Variants in ANKRD30B observed in about 807,000 individuals in gnomAD.
The protein encoded by ANKRD30B is ankyrin repeat domain-containing protein 30B.
Under a neutral mutation model 202.2 loss-of-function variants are expected in ANKRD30B, and 144 were observed. That is an observed-to-expected ratio of 0.71 (90% CI 0.62 to 0.82). ANKRD30B has a LOEUF of 0.82. ANKRD30B is among the 40% of genes least tolerant of loss of function. The pLI, the probability that ANKRD30B is intolerant of heterozygous loss-of-function variation, is 0.00. For synonymous variants in ANKRD30B, 508 were observed against 561.3 expected (o/e 0.91, Z 1.34); for missense variants, 1,487 against 1,669.1 (o/e 0.89, Z 1.90).
At chr18:14,759,236 G>C (rs1914874088) in intron 5 of ANKRD30B, 1 of 152,188 alleles carries the variant, frequency 6.6e-6, no homozygotes, top group African/African-American at 2.4e-5. Flanking sequence ...ATGTCAAGAA[G>C]GTTAGCAAGG....
At position 14,837,521 on chromosome 18, in the gene ANKRD30B, G is replaced by C. The variant is rs1429902052; in HGVS notation, c.2927-94G>C. 6.6e-6 allele frequency: 7 copies of C among 1,066,760 alleles called. No individual in the cohort carries two copies. In the South Asian group the frequency reaches 1.2e-4, roughly 18 times the overall value. The allele number at this position is 1,066,760 out of a possible 1,614,324, so 66.1% of individuals were successfully genotyped here. A position where few individuals can be genotyped will look rare whatever the true frequency, so the allele number is the denominator to read the frequency against. On this transcript the variant is annotated intron_variant, in intron 35 of 43. Coordinates refer to ENST00000690538, the MANE Select transcript of ANKRD30B (RefSeq NM_001367607.2). Reference sequence around the variant, plus strand: ...TATTTTTGCTATTATTTTTATTTTTGAAATACTCATAAATGGAAATAGATT... The same window carrying C: ...TATTTTTGCTATTATTTTTATTTTTCAAATACTCATAAATGGAAATAGATT...
chr18:14,859,982 C>T, the ANKRD30B span, among the ~76,000 whole-genome samples: 47,260 of 127,744 alleles, frequency 0.37, 8,909 homozygotes, highest in African/African-American at 0.41. Flanking sequence ...CGGGAAGAGG[C>T]GCTCCCCACT....
At chr18:14,926,756 CT>C in the ANKRD30B span, among the ~76,000 whole-genome samples, 110 of 152,216 alleles carry the variant, frequency 7.2e-4, no homozygotes, top group Middle Eastern at 3.4e-3. Flanking sequence ...AGGACCCCAT[CT>C]CTACAAAAAT....
the ANKRD30B span, among the ~76,000 whole-genome samples, chr18:14,904,628 T>G: frequency 1.3e-5 from 2 of 152,160 alleles, no homozygotes; most frequent in African/African-American, 4.8e-5. Context: ...CCCCCCCATC[T>G]CATCTGATTC....
At chr18:14,754,426 T>A (rs1339807384) in intron 3 of ANKRD30B, among the ~76,000 whole-genome samples, 1 of 152,182 alleles carries the variant, frequency 6.6e-6, no homozygotes, top group African/African-American at 2.4e-5. Context: ...TTATAATATT[T>A]CTTGAACATA....
chr18:14,902,339 C>G, the ANKRD30B span, among the ~76,000 whole-genome samples: 1 of 151,904 alleles, frequency 6.6e-6, no homozygotes, highest in Non-Finnish European at 1.5e-5. Flanking sequence ...TTTGGGGGAC[C>G]TCAAAAAAGA....
chr18:14,932,868 A>G, the ANKRD30B span, among the ~76,000 whole-genome samples: 3 of 152,306 alleles, frequency 2.0e-5, no homozygotes, highest in African/African-American at 7.2e-5. Flanking sequence ...ATAAATTCTT[A>G]AGAACGTATT....
At chr18:14,924,209 G>C in the ANKRD30B span, among the ~76,000 whole-genome samples, 1 of 152,156 alleles carries the variant, frequency 6.6e-6, no homozygotes, top group Non-Finnish European at 1.5e-5. Context: ...ATGAACAGTA[G>C]AACTGTGGTA....
the ANKRD30B span, among the ~76,000 whole-genome samples, chr18:14,939,818 T>A: frequency 6.6e-6 from 1 of 152,236 alleles, no homozygotes; most frequent in Non-Finnish European, 1.5e-5. Context: ...GAGCTCCAGA[T>A]GCCACCAGGC....
chr18:14,837,720 C>T, intron 36 of ANKRD30B, 44 bp downstream of exon 36: 1 of 1,460,176 alleles, frequency 6.8e-7, no homozygotes, highest in East Asian at 2.5e-5. Flanking sequence ...CTTAAGTACT[C>T]AGTAATCTTA....
Position 14,810,140 on chromosome 18 carries a change from T to A in ANKRD30B, c.2448T>A (p.Asn816Lys). Residue 816 changes from asparagine to lysine, a missense_variant, in exon 28 of 44, where the codon AAT (asparagine) becomes AAA (lysine). Asn to Lys is a moderately conservative substitution (Grantham distance 94, BLOSUM62 0). This residue lies in a region of ANKRD30B where 218 missense variants were observed against 320.1 expected (regional missense o/e 0.68). Coordinates refer to ENST00000690538, the MANE Select transcript of ANKRD30B (RefSeq NM_001367607.2). ...GTGTAAGGAAAGTTTCTCTTCCAAA[T>A]AAAGCCTTAGAATTAAAGGACAGAG... ...PTCVRKVSLPNKALELKDRET... is the reference protein window; with the variant it reads ...PTCVRKVSLPKKALELKDRET... 2 of 1,483,712 alleles carry A rather than the reference T, an allele frequency of 1.3e-6. No homozygotes were observed. Among genetic ancestry groups the A allele is most frequent in the South Asian group, 1.2e-5 (1 of 82,754 alleles). The allele number at this position is 1,483,712 out of a possible 1,614,324, so 91.9% of individuals were successfully genotyped here. A position where few individuals can be genotyped will look rare whatever the true frequency, so the allele number is the denominator to read the frequency against.
At chr18:14,841,700 C>A (rs2143184432) in intron 37 of ANKRD30B, among the ~76,000 whole-genome samples, 1 of 152,136 alleles carries the variant, frequency 6.6e-6, no homozygotes, top group South Asian at 2.1e-4. Context: ...TGAAATGCAG[C>A]AAGAAAGAAG....
At chr18:14,819,495 G>A (rs552315311) in intron 30 of ANKRD30B, among the ~76,000 whole-genome samples, 1,701 of 151,854 alleles carry the variant, frequency 0.011, 118 homozygotes, top group Admixed American at 0.1. Context: ...TATGGTTTTA[G>A]GTCTAACGTT....
chr18:14,899,604 A>G, the ANKRD30B span, among the ~76,000 whole-genome samples: 1 of 152,152 alleles, frequency 6.6e-6, no homozygotes, highest in African/African-American at 2.4e-5. Context: ...ACCAACTCCA[A>G]TATGATTGTC....
At chr18:14,871,424 GC>G in the ANKRD30B span, among the ~76,000 whole-genome samples, 1 of 151,274 alleles carries the variant, frequency 6.6e-6, no homozygotes, top group African/African-American at 2.4e-5. Flanking sequence ...TGTGCCAGCT[GC>G]CAGCCCCTGG....
chr18:14,819,046 T>C (rs1228442947), intron 30 of ANKRD30B, among the ~76,000 whole-genome samples: 1 of 152,186 alleles, frequency 6.6e-6, no homozygotes. Flanking sequence ...TTTTTAATGA[T>C]TGCCATTCTA....
chr18:14,779,319 C>T (rs192629499), intron 10 of ANKRD30B, among the ~76,000 whole-genome samples: 1 of 152,204 alleles, frequency 6.6e-6, no homozygotes, highest in East Asian at 1.9e-4. Flanking sequence ...CCAAGGAGGC[C>T]CAAGTTGATT....
chr18:14,806,524 T>TA (rs1568031870), intron 24 of ANKRD30B, among the ~76,000 whole-genome samples: 1 of 150,608 alleles, frequency 6.6e-6, no homozygotes, highest in South Asian at 2.1e-4. Context: ...GAAAGTAATT[T>TA]AAAAAAATAA....
chr18:14,920,370 T>G, the ANKRD30B span, among the ~76,000 whole-genome samples: 2 of 152,332 alleles, frequency 1.3e-5, no homozygotes, highest in Non-Finnish European at 2.9e-5. Flanking sequence ...AGTATTTAAC[T>G]GCACCCTGTA....
Sources: allele counts gnomAD v4.1 joint callset (sites outside exome capture counted in the v4.1 genomes callset), GRCh38; gene constraint gnomAD v4.1.1; regional missense constraint gnomAD v4.1.1; transcripts MANE v1.5; gene names NCBI Gene and HGNC (gene_info 2026-07-23, HGNC 2026-07-21).